PCLO: variants seen among roughly 807,000 people sequenced by gnomAD.
PCLO encodes the protein protein piccolo.
PCLO carries 82 observed loss-of-function variants against 427.5 expected under a neutral mutation model. The ratio of observed to expected loss-of-function variants is 0.19; its 90% CI spans 0.16 to 0.23. The LOEUF (loss-of-function observed/expected upper bound fraction) is 0.23. Among genes scored for constraint, PCLO ranks in the 10% least tolerant of loss-of-function variants. The pLI is 1.00. For missense variants in PCLO, 6,239 were observed against 6,115.9 expected, an observed-to-expected ratio of 1.02 and a Z score of -0.67; for synonymous variants, 2,357 against 2,155.4, an observed-to-expected ratio of 1.09 and a Z score of -2.59.
intron 9 of PCLO, among the ~76,000 whole-genome samples, chr7:82,887,971 G>T (rs1231536902): frequency 6.6e-6 from 1 of 151,990 alleles, no homozygotes; most frequent in Non-Finnish European, 1.5e-5. Context: ...TCGGGAGGCT[G>T]AGGCAGGAGA....
intron 16 of PCLO, among the ~76,000 whole-genome samples, chr7:82,835,007 C>T (rs1335303645): frequency 6.6e-6 from 1 of 151,636 alleles, no homozygotes; most frequent in Admixed American, 6.6e-5. Flanking sequence ...TGCAGGGGTG[C>T]GATCTTGGCT....
intron 10 of PCLO, among the ~76,000 whole-genome samples, chr7:82,869,316 T>A (rs1793173972): frequency 6.6e-6 from 1 of 152,100 alleles, no homozygotes; most frequent in Non-Finnish European, 1.5e-5. Context: ...ATTGTATTAA[T>A]TCAGAATACA....
chr7:83,093,736 G>A (rs1219483943), intron 3 of PCLO, among the ~76,000 whole-genome samples: 1 of 144,360 alleles, frequency 6.9e-6, no homozygotes, highest in East Asian at 2.1e-4. Context: ...CTCGTGATCC[G>A]CCAGCCTCGG....
rs533876253 is a variant in PCLO, at chr7:83,162,873, A to T, written c.-281T>A. On this transcript the variant is annotated 5_prime_UTR_variant, in exon 1 of 25. Coordinates refer to ENST00000333891, the MANE Select transcript of PCLO (RefSeq NM_033026.6). ...GCCGCCTCGGCGCCCCGAGCCGGGG[A>T]GAAGCAGATCTGAGCGGTGCCAGCC... is the stretch of plus-strand genomic sequence containing the variant. The T allele has an allele frequency of 8.2e-6, 4 of 487,418 alleles. No homozygotes were observed. In the South Asian group the frequency reaches 1.0e-4, roughly 13 times the overall value. 30.2% of individuals were successfully genotyped at this position (487,418 alleles called of 1,614,324 possible).
At chr7:83,024,411 G>T (rs577023609) in intron 3 of PCLO, among the ~76,000 whole-genome samples, 1 of 152,164 alleles carries the variant, frequency 6.6e-6, no homozygotes, top group Non-Finnish European at 1.5e-5. Flanking sequence ...CTTAAAAAAC[G>T]GCGCAGCACA....
chr7:82,971,772 C>T (rs1179427532), intron 3 of PCLO, among the ~76,000 whole-genome samples: 1 of 148,784 alleles, frequency 6.7e-6, no homozygotes, highest in Non-Finnish European at 1.5e-5. Flanking sequence ...GTACTGAGAA[C>T]ATCTCTATTG....
chr7:83,110,240 T>A (rs1043954379), intron 3 of PCLO, among the ~76,000 whole-genome samples: 1 of 151,980 alleles, frequency 6.6e-6, no homozygotes, highest in African/African-American at 2.4e-5. Flanking sequence ...ATCTACAGAA[T>A]AATTTGTATA....
intron 5 of PCLO, 122 bp downstream of exon 5, chr7:82,951,734 A>C: frequency 7.2e-7 from 1 of 1,388,030 alleles, no homozygotes; most frequent in Non-Finnish European, 9.5e-7. Context: ...ATGCTGCTAT[A>C]ACATCCAAAG....
chr7:83,076,566 A>G (rs1345223160), intron 3 of PCLO, among the ~76,000 whole-genome samples: 1 of 151,818 alleles, frequency 6.6e-6, no homozygotes, highest in Non-Finnish European at 1.5e-5. Context: ...CCTGGCAGAG[A>G]AATTTCACTT....
Position 82,920,339 on chromosome 7 carries a change from T to C in PCLO, c.11113-3466A>G, listed in dbSNP as rs530004280. The stretch of plus-strand genomic sequence containing the variant: ...CAAGACAGTCTAGAAAAAAACTTGT[T>C]GTTTACTATGGTTTTCTGTGTTGAC... On this transcript the variant is annotated intron_variant, in intron 6 of 24. Coordinates refer to ENST00000333891, the MANE Select transcript of PCLO (RefSeq NM_033026.6). 3.9e-5 allele frequency among the ~76,000 whole-genome samples: 6 copies of C among 151,954 alleles called. No homozygotes were observed. The East Asian group carries it at 1.2e-3, about 29-fold the overall frequency.
chr7:82,763,941 A>G lies in PCLO; in HGVS notation c.15008-2448T>C, dbSNP rs147423369. Among the ~76,000 whole-genome samples, 578 of 152,164 alleles carry G rather than the reference A, an allele frequency of 3.8e-3. 3 individuals are homozygous for G. The highest frequency in any genetic ancestry group is 0.013 in the African/African-American group (529 of 41,558). On this transcript the variant is annotated intron_variant, in intron 22 of 24. Transcript: ENST00000333891. Reference sequence around the variant, plus strand: ...AAAGAACTCAGGGAATACTTCACAAAGTTTGACTCTCTCAGAAATATATAA... The same window carrying G: ...AAAGAACTCAGGGAATACTTCACAAGGTTTGACTCTCTCAGAAATATATAA...
In PCLO at chr7:82,953,811, G is replaced by A; in HGVS notation, c.7142C>T (p.Pro2381Leu). The part of the protein sequence containing the change: ...KPASQLPSGS[P>L]SVSSLPAKPR... Reference sequence around the variant, plus strand: ...TTTAGCTGGAAGAGAGGAAACAGAAGGACTGCCAGATGGTAACTGAGATGC... The same window carrying A: ...TTTAGCTGGAAGAGAGGAAACAGAAAGACTGCCAGATGGTAACTGAGATGC... Residue 2381 changes from proline (P) to leucine (L), a missense_variant, in exon 5 of 25, where the codon CCT (proline) becomes CTT (leucine). By Grantham distance (98) the Pro-to-Leu change is moderately conservative. This residue lies in a region of PCLO where 4,677 missense variants were observed against 4,468.4 expected (regional missense o/e 1.05). Transcript: ENST00000333891. The A allele has an allele frequency of 1.2e-6, 2 of 1,607,448 alleles. No homozygotes were observed. Among genetic ancestry groups the A allele is most frequent in the Non-Finnish European group, 1.7e-6 (2 of 1,176,406 alleles).
At chr7:82,980,232 A>G (rs1202207929) in intron 3 of PCLO, among the ~76,000 whole-genome samples, 1 of 152,144 alleles carries the variant, frequency 6.6e-6, no homozygotes, top group Admixed American at 6.6e-5. Flanking sequence ...GAAGAGAAGG[A>G]GCCGAGAGAG....
intron 20 of PCLO, chr7:82,821,344 G>C: frequency 1.0e-6 from 1 of 985,970 alleles, no homozygotes; most frequent in Non-Finnish European, 1.2e-6. Flanking sequence ...TCCTCAGATG[G>C]AACCAGCTTA....
Position 82,894,635 on chromosome 7 carries a change from A to G in PCLO, c.13528+8016T>C, listed in dbSNP as rs957518258. Among the ~76,000 whole-genome samples, 7 of 152,044 alleles carry G rather than the reference A, an allele frequency of 4.6e-5. No homozygotes were observed. In the South Asian group the frequency reaches 6.2e-4, roughly 14 times the overall value. On this transcript the variant is annotated intron_variant, in intron 9 of 24. Coordinates refer to ENST00000333891, the MANE Select transcript of PCLO (RefSeq NM_033026.6). ...CGGGAATTCAAGATGACATTTGGGTAGGGACACAGCCAAACCATATCAAGT... is the reference window on the plus strand; with the variant it reads ...CGGGAATTCAAGATGACATTTGGGTGGGGACACAGCCAAACCATATCAAGT...
chr7:82,983,992 C>T (rs1176188102), intron 3 of PCLO, among the ~76,000 whole-genome samples: 1 of 151,834 alleles, frequency 6.6e-6, no homozygotes, highest in Non-Finnish European at 1.5e-5. Context: ...CTTCATTTGA[C>T]ACTCTGTTGG....
At chr7:83,124,108 A>G (rs1392966307) in intron 3 of PCLO, among the ~76,000 whole-genome samples, 1 of 151,784 alleles carries the variant, frequency 6.6e-6, no homozygotes, top group East Asian at 1.9e-4. Context: ...CAGGAAATCG[A>G]GACCATCCTG....
intron 3 of PCLO, among the ~76,000 whole-genome samples, chr7:82,985,741 T>C (rs1298061951): frequency 6.6e-6 from 1 of 151,958 alleles, no homozygotes; most frequent in African/African-American, 2.4e-5. Context: ...TGTCTTTTGT[T>C]TTAAGAATGT....
intron 6 of PCLO, among the ~76,000 whole-genome samples, chr7:82,930,127 T>C (rs1295098036): frequency 6.6e-6 from 1 of 152,152 alleles, no homozygotes; most frequent in Non-Finnish European, 1.5e-5. Flanking sequence ...ATATAAGGCA[T>C]CTAGGAGACA....
Sources: gnomAD v4.1 joint callset for allele counts (sites outside exome capture counted in the v4.1 genomes callset) on GRCh38, gnomAD v4.1.1 for gene constraint, gnomAD v4.1.1 regional missense constraint, MANE v1.5 for transcripts, NCBI Gene and HGNC (gene_info 2026-07-23, HGNC 2026-07-21) for gene names.